Variants in EYS observed in about 807,000 individuals in gnomAD.
EYS encodes EGF-like photoreceptor maintenance factor.
A neutral mutation model predicts 282.1 loss-of-function variants in EYS; 250 were observed. That is an observed-to-expected ratio of 0.89 (90% CI 0.80 to 0.98). The LOEUF is 0.98. EYS is among the 50% of genes least tolerant of loss of function. The probability of loss-of-function intolerance (pLI) is 0.00; values close to 1 mark genes in which losing one functional copy is unlikely to be tolerated. For synonymous variants in EYS, 1,355 were observed against 1,282.9 expected (o/e 1.06, Z -1.20); for missense variants, 4,016 against 3,709.0 (o/e 1.08, Z -2.15).
At chr6:64,627,365 A>G (rs901531008) in intron 22 of EYS, among the ~76,000 whole-genome samples, 1 of 152,160 alleles carries the variant, frequency 6.6e-6, no homozygotes, top group African/African-American at 2.4e-5. Context: ...CAGAAATTGC[A>G]AGTAGTTTTG....
chr6:65,205,412 T>G (rs1766010710), intron 12 of EYS, among the ~76,000 whole-genome samples: 1 of 151,862 alleles, frequency 6.6e-6, no homozygotes, highest in Non-Finnish European at 1.5e-5. Flanking sequence ...ATAAAACAAT[T>G]TCTACTTAAC....
chr6:64,195,693 A>G (rs1765266838), intron 31 of EYS, among the ~76,000 whole-genome samples: 1 of 152,208 alleles, frequency 6.6e-6, no homozygotes, highest in African/African-American at 2.4e-5. Context: ...GTGTGTATGT[A>G]TAAATAAATT....
rs533657970 is a variant in EYS at position 65,091,208 on chromosome 6, T to C, written c.2024-33481A>G. On this transcript the variant is annotated intron_variant, in intron 12 of 42. Transcript: ENST00000503581. ...TAGCACTTTGGGAGGCCGAGGTGGG[T>C]GGATCACCTGAGATCAGGAGTTTGA... Among the ~76,000 whole-genome samples the C allele has an allele frequency of 4.2e-3, 579 of 139,306 alleles. 2 individuals are homozygous for C. The highest frequency in any genetic ancestry group is 6.2e-3 in the Non-Finnish European group (413 of 66,108). 91.4% of individuals were successfully genotyped at this position (139,306 alleles called of 152,430 possible).
intron 31 of EYS, among the ~76,000 whole-genome samples, chr6:64,189,985 A>G (rs1765054725): frequency 6.6e-6 from 1 of 152,174 alleles, no homozygotes; most frequent in Non-Finnish European, 1.5e-5. Context: ...TTTGTGTTCA[A>G]TTAATATTTA....
At chr6:64,747,894 A>G (rs951803763) in intron 22 of EYS, among the ~76,000 whole-genome samples, 3 of 152,198 alleles carry the variant, frequency 2.0e-5, no homozygotes, top group Non-Finnish European at 4.4e-5. Flanking sequence ...GGATAATTGC[A>G]TTTGTCACTT....
chr6:64,086,028 C>A (rs992851234), intron 31 of EYS, among the ~76,000 whole-genome samples: 2 of 152,156 alleles, frequency 1.3e-5, no homozygotes, highest in African/African-American at 4.8e-5. Flanking sequence ...TGTCTTCTTA[C>A]CTACCTTTTG....
Position 63,778,161 on chromosome 6 carries a change from TTGAAGAG to T in EYS, c.7736_7742del (p.Thr2579LysfsTer36), listed in dbSNP as rs1431427428. 7 of 1,551,898 alleles carry T rather than the reference TTGAAGAG, an allele frequency of 4.5e-6. No individual in the cohort carries two copies. The highest frequency in any genetic ancestry group is 6.1e-6 in the Non-Finnish European group (7 of 1,146,980). On this transcript the variant is annotated frameshift_variant, in exon 40 of 43. Coordinates refer to ENST00000503581, the MANE Select transcript of EYS (RefSeq NM_001142800.2). LOFTEE classifies it high-confidence loss of function. ...AATGGCCATCCTTCTCAGTGCGAAC[TTGAAGAG>T]TGAAAATACAGCCTTGAAGAAATGC... is the stretch of plus-strand genomic sequence containing the variant.
chr6:65,135,672 A>T lies in EYS; in HGVS notation c.2024-77945T>A, dbSNP rs528423061. Among the ~76,000 whole-genome samples the T allele has an allele frequency of 2.1e-3, 306 of 146,404 alleles. 2 individuals carry two copies. Among genetic ancestry groups the T allele is most frequent in the African/African-American group, 7.2e-3 (281 of 38,994 alleles). On this transcript the variant is annotated intron_variant, in intron 12 of 42. Coordinates refer to ENST00000503581, the MANE Select transcript of EYS (RefSeq NM_001142800.2). ...TAGTGAATCTCATTCATTTTTTTTT[A>T]AATCTAAAATCAGATTCCATCTGTC...
chr6:65,034,010 C>A (rs1283966508), intron 13 of EYS, among the ~76,000 whole-genome samples: 1 of 152,164 alleles, frequency 6.6e-6, no homozygotes, highest in African/African-American at 2.4e-5. Context: ...GTTCCCTGCC[C>A]TAGATGCAGG....
At chr6:63,850,925 G>C (rs1259188362) in intron 36 of EYS, among the ~76,000 whole-genome samples, 1 of 152,142 alleles carries the variant, frequency 6.6e-6, no homozygotes, top group Non-Finnish European at 1.5e-5. Context: ...GTATTCAGGA[G>C]ACCCATCTCA....
intron 26 of EYS, among the ~76,000 whole-genome samples, chr6:64,571,358 A>G (rs776623206): frequency 2.0e-5 from 3 of 152,162 alleles, no homozygotes; most frequent in Non-Finnish European, 4.4e-5. Flanking sequence ...TAACATCACA[A>G]TTAAAAGAAC....
chr6:64,389,691 T>C (rs1451341206), intron 28 of EYS, among the ~76,000 whole-genome samples: 1 of 152,204 alleles, frequency 6.6e-6, no homozygotes, highest in Non-Finnish European at 1.5e-5. Flanking sequence ...AGATGCACTA[T>C]TCAATTTATC....
intron 22 of EYS, among the ~76,000 whole-genome samples, chr6:64,772,765 T>C (rs1297005882): frequency 6.6e-6 from 1 of 151,848 alleles, no homozygotes; most frequent in Non-Finnish European, 1.5e-5. Flanking sequence ...CATGTGAAAT[T>C]TGTCTTTCTT....
Position 64,698,609 on chromosome 6 carries a change from G to A in EYS, c.3444-72364C>T, listed in dbSNP as rs184541463. The stretch of plus-strand genomic sequence containing the variant: ...ATCTGACAAAGGTCTAATATGGACC[G>A]TCTATAAGAAACTTAAATTTACAAG... On this transcript the variant is annotated intron_variant, in intron 22 of 42. Transcript: ENST00000503581. Among the ~76,000 whole-genome samples the A allele has an allele frequency of 1.4e-4, 21 of 152,008 alleles. No homozygotes were observed. In the East Asian group the frequency reaches 2.5e-3, roughly 18 times the overall value.
intron 21 of EYS, among the ~76,000 whole-genome samples, chr6:64,818,675 G>A (rs1764813283): frequency 6.6e-6 from 1 of 152,138 alleles, no homozygotes; most frequent in South Asian, 2.1e-4. Context: ...GAAGCACCCG[G>A]CATGGGAGAA....
chr6:65,350,670 C>T (rs923263391), intron 9 of EYS, among the ~76,000 whole-genome samples: 4 of 151,628 alleles, frequency 2.6e-5, no homozygotes, highest in African/African-American at 9.7e-5. Context: ...TCTTTATCCA[C>T]TCTGTCAGTA....
At chr6:63,826,468 A>G (rs1007424219) in intron 36 of EYS, among the ~76,000 whole-genome samples, 1 of 152,338 alleles carries the variant, frequency 6.6e-6, no homozygotes, top group East Asian at 1.9e-4. Context: ...AAGACAGAGG[A>G]AAGAATCTTA....
At chr6:65,693,404 C>CTTTTTTTTT (rs66464915) in intron 1 of EYS, among the ~76,000 whole-genome samples, 2 of 125,288 alleles carry the variant, frequency 1.6e-5, no homozygotes, top group African/African-American at 2.9e-5. Flanking sequence ...TTTTTCCTTT[C>CTTTTTTTTT]TTTTTTTTTT....
At chr6:64,326,711 C>A (rs1227624275) in intron 29 of EYS, among the ~76,000 whole-genome samples, 1 of 152,112 alleles carries the variant, frequency 6.6e-6, no homozygotes, top group Non-Finnish European at 1.5e-5. Context: ...GGGTCCTTGG[C>A]ACTGCCAGGA....
Sources: allele counts gnomAD v4.1 joint callset (sites outside exome capture counted in the v4.1 genomes callset), GRCh38; gene constraint gnomAD v4.1.1; transcripts MANE v1.5; gene names NCBI Gene and HGNC (gene_info 2026-07-23, HGNC 2026-07-21).